CDC5L: variants seen among roughly 807,000 people sequenced by gnomAD.
The protein encoded by CDC5L is cell division cycle 5 like, also known as cell division cycle 5-like protein.
CDC5L carries 18 observed loss-of-function variants against 104.1 expected under a neutral mutation model. That is an observed-to-expected ratio of 0.17 (90% CI 0.12 to 0.26). The LOEUF is 0.26. Ranked by LOEUF, CDC5L falls within the 10% of genes least tolerant of loss-of-function variation. The probability of loss-of-function intolerance (pLI) is 1.00; values close to 1 mark genes in which losing one functional copy is unlikely to be tolerated. For missense variants in CDC5L, 673 were observed against 956.9 expected (o/e 0.70, Z 3.91); for synonymous variants, 331 against 322.7 (o/e 1.03, Z -0.28).
intron 4 of CDC5L, among the ~76,000 whole-genome samples, chr6:44,395,280 C>T (rs537958744): frequency 9.8e-5 from 15 of 152,306 alleles, no homozygotes; most frequent in African/African-American, 3.6e-4. Flanking sequence ...AATAAATACT[C>T]AAGGTGATGG....
chr6:44,425,922 T>C (rs1414534343), intron 11 of CDC5L, among the ~76,000 whole-genome samples, 181 bp from the exon 12 acceptor site: 1 of 151,998 alleles, frequency 6.6e-6, no homozygotes, highest in Non-Finnish European at 1.5e-5. Context: ...TCTATTATAA[T>C]GAGAGTGAAT....
intron 5 of CDC5L, among the ~76,000 whole-genome samples, chr6:44,399,886 C>T (rs772692156): frequency 1.2e-4 from 18 of 152,030 alleles, no homozygotes; most frequent in Non-Finnish European, 2.2e-4. Flanking sequence ...CTCTTGACCT[C>T]GTGATCTGCC....
At chr6:44,441,552 G>A (rs113337835) in intron 14 of CDC5L, among the ~76,000 whole-genome samples, 4,558 of 152,158 alleles carry the variant, frequency 0.03, 133 homozygotes, top group African/African-American at 0.073. Flanking sequence ...TTCCATAATG[G>A]CTGTACTAAT....
chr6:44,399,277 C>T (rs1791009994), intron 5 of CDC5L, among the ~76,000 whole-genome samples: 1 of 152,126 alleles, frequency 6.6e-6, no homozygotes, highest in African/African-American at 2.4e-5. Flanking sequence ...TAAATCTTCT[C>T]GTCTTTGGCT....
At chr6:44,426,820 A>G (rs1318841815) in intron 13 of CDC5L, 96 bp downstream of exon 13, 1 of 1,201,888 alleles carries the variant, frequency 8.3e-7, no homozygotes, top group Non-Finnish European at 1.2e-6. Flanking sequence ...CCCTGTTGGT[A>G]TTCATAAACA....
chr6:44,402,873 A>G lies in CDC5L; in HGVS notation c.540-936A>G, dbSNP rs949624294. 4.3e-4 allele frequency among the ~76,000 whole-genome samples: 66 copies of G among 152,280 alleles called. 1 individual carries two copies. Among genetic ancestry groups the G allele is most frequent in the African/African-American group, 1.4e-3 (58 of 41,556 alleles). On this transcript the variant is annotated intron_variant, in intron 5 of 15. Coordinates refer to ENST00000371477, the MANE Select transcript of CDC5L (RefSeq NM_001253.4). ...TTTAAAAGTTTATGTAAATGTCTGT[A>G]TAATATCTTATAAATTCATTTAATT...
intron 14 of CDC5L, among the ~76,000 whole-genome samples, chr6:44,439,935 G>GCTGTA (rs1429405675): frequency 1.3e-5 from 2 of 152,142 alleles, no homozygotes. Flanking sequence ...CTCTTACCCC[G>GCTGTA]CTGTACTGTA....
At chr6:44,421,908 A>G (rs1157527224) in intron 9 of CDC5L, among the ~76,000 whole-genome samples, 1 of 152,118 alleles carries the variant, frequency 6.6e-6, no homozygotes, top group East Asian at 1.9e-4. Context: ...TCTCACCTAG[A>G]TTGTAAAATC....
intron 9 of CDC5L, among the ~76,000 whole-genome samples, chr6:44,421,668 A>G (rs1792181257): frequency 6.6e-6 from 1 of 152,254 alleles, no homozygotes; most frequent in South Asian, 2.1e-4. Context: ...TACAACAATA[A>G]CAAATAACAC....
intron 8 of CDC5L, among the ~76,000 whole-genome samples, chr6:44,412,781 C>CTTTTTTT (rs397950082): frequency 1.9e-5 from 2 of 106,584 alleles, no homozygotes; most frequent in African/African-American, 3.8e-5. Flanking sequence ...AGAATAATTT[C>CTTTTTTT]TTTTTTTTTT....
chr6:44,414,026 G>A (rs1328794735), intron 8 of CDC5L, among the ~76,000 whole-genome samples: 2 of 152,084 alleles, frequency 1.3e-5, no homozygotes, highest in Non-Finnish European at 2.9e-5. Flanking sequence ...TTTTTGATTT[G>A]CATTTCCCTA....
intron 4 of CDC5L, among the ~76,000 whole-genome samples, chr6:44,395,635 CAG>C (rs914386858): frequency 1.3e-5 from 2 of 152,220 alleles, no homozygotes; most frequent in African/African-American, 4.8e-5. Context: ...ATCATTATCA[CAG>C]GGGGAGCATT....
At chr6:44,398,062 G>A (rs975304459) in intron 5 of CDC5L, among the ~76,000 whole-genome samples, 3 of 152,168 alleles carry the variant, frequency 2.0e-5, no homozygotes, top group Admixed American at 6.5e-5. Context: ...GTAATTAATG[G>A]CTTTGAAGTG....
chr6:44,419,746 C>A (rs756789838), intron 9 of CDC5L, 149 bp downstream of exon 9: 36 of 661,324 alleles, frequency 5.4e-5, no homozygotes, highest in Non-Finnish European at 8.3e-5. Context: ...TAATAGTGTC[C>A]AGGAAATGGT....
At chr6:44,424,132 T>C (rs1472244910) in intron 10 of CDC5L, among the ~76,000 whole-genome samples, 1 of 152,176 alleles carries the variant, frequency 6.6e-6, no homozygotes, top group Non-Finnish European at 1.5e-5. Context: ...TTTCTGTAAT[T>C]TTTAATTTTT....
intron 5 of CDC5L, among the ~76,000 whole-genome samples, chr6:44,402,525 G>T (rs1791179062): frequency 6.6e-6 from 1 of 152,122 alleles, no homozygotes; most frequent in African/African-American, 2.4e-5. Flanking sequence ...CTGTCATGCT[G>T]GAAGTTACTC....
chr6:44,415,607 C>T (rs574098988), intron 8 of CDC5L, among the ~76,000 whole-genome samples: 2 of 151,776 alleles, frequency 1.3e-5, no homozygotes, highest in East Asian at 1.9e-4. Context: ...CAGGGCCAGC[C>T]GTCATGTTTG....
intron 1 of CDC5L, among the ~76,000 whole-genome samples, chr6:44,389,217 A>G (rs555079204): frequency 3.3e-5 from 5 of 152,348 alleles, no homozygotes; most frequent in African/African-American, 1.2e-4. Flanking sequence ...ACCAAGTTAC[A>G]AAAAAGACAA....
Position 44,448,377 on chromosome 6 carries a change from A to G in CDC5L, c.*1666A>G, listed in dbSNP as rs2153385054. On this transcript the variant is annotated 3_prime_UTR_variant, in exon 16 of 16. Transcript: ENST00000371477. Reference sequence around the variant, plus strand: ...GAGAAGATCTAAGCAAAGGAATGACATGATCAGATTTGGTTTTAGAAACAT... The same window carrying G: ...GAGAAGATCTAAGCAAAGGAATGACGTGATCAGATTTGGTTTTAGAAACAT... The G allele has an allele frequency of 6.6e-6, 1 of 152,354 alleles. No homozygotes were observed. The highest frequency in any genetic ancestry group is 2.1e-4 in the South Asian group (1 of 4,828). The allele number at this position is 152,354 out of a possible 1,614,324, so 9.4% of individuals were successfully genotyped here. A position where few individuals can be genotyped will look rare whatever the true frequency, so the allele number is the denominator to read the frequency against.
Sources: gnomAD v4.1 joint callset for allele counts (sites outside exome capture counted in the v4.1 genomes callset) on GRCh38, gnomAD v4.1.1 for gene constraint, MANE v1.5 for transcripts, NCBI Gene and HGNC (gene_info 2026-07-23, HGNC 2026-07-21) for gene names.